Variants in PSD3 observed in about 807,000 individuals in gnomAD.
PSD3 encodes PH and SEC7 domain-containing protein 3.
Under a neutral mutation model 105.5 loss-of-function variants are expected in PSD3, and 49 were observed. The ratio of observed to expected loss-of-function variants is 0.46; its 90% confidence interval spans 0.37 to 0.59. PSD3 has a LOEUF of 0.59. Ranked by LOEUF, PSD3 falls within the 20% of genes least tolerant of loss-of-function variation. PSD3 has a pLI of 0.00. For synonymous variants in PSD3, 557 were observed against 457.8 expected (o/e 1.22, Z -2.77); for missense variants, 1,561 against 1,263.8 (o/e 1.24, Z -3.57).
rs140029072 is a variant in PSD3 at position 18,772,594 on chromosome 8, C to T, written c.2083-7056G>A. Among the ~76,000 whole-genome samples, 83 of 152,250 alleles carry T rather than the reference C, an allele frequency of 5.5e-4. 1 individual carries two copies. The Middle Eastern group carries it at 0.02, about 37-fold the overall frequency. On this transcript the variant is annotated intron_variant, in intron 8 of 15. Transcript: ENST00000327040. The stretch of plus-strand genomic sequence containing the variant: ...CACAATCTCTGGTCACTGTGACCTC[C>T]GCCTCCCAAGTTCAAGTGTTTCTCC...
intron 11 of PSD3, among the ~76,000 whole-genome samples, chr8:18,612,375 A>ATTTTT (rs71217390): frequency 6.7e-6 from 1 of 148,162 alleles, no homozygotes. Flanking sequence ...TTACTGATGC[A>ATTTTT]TTTTTTTTTT....
chr8:18,619,652 A>G (rs941776754), intron 11 of PSD3, among the ~76,000 whole-genome samples: 1 of 152,106 alleles, frequency 6.6e-6, no homozygotes, highest in African/African-American at 2.4e-5. Flanking sequence ...TCAAAAAAAA[A>G]AAAAAGACCT....
intron 9 of PSD3, among the ~76,000 whole-genome samples, chr8:18,753,353 C>G (rs1805760123): frequency 6.9e-6 from 1 of 145,472 alleles, no homozygotes; most frequent in Non-Finnish European, 1.5e-5. Context: ...GACTCCAACT[C>G]CAAAAAAAAA....
chr8:18,828,977 T>C (rs897583264), intron 4 of PSD3, among the ~76,000 whole-genome samples: 1 of 151,924 alleles, frequency 6.6e-6, no homozygotes, highest in African/African-American at 2.4e-5. Flanking sequence ...GAGGCTGAGG[T>C]GGGCGGACGG....
chr8:18,657,483 G>C (rs1441775258), intron 9 of PSD3, among the ~76,000 whole-genome samples: 1 of 152,108 alleles, frequency 6.6e-6, no homozygotes, highest in Non-Finnish European at 1.5e-5. Flanking sequence ...GGACATGATA[G>C]GTATTCTCAA....
chr8:18,799,221 T>G, intron 8 of PSD3, 74 bp downstream of exon 8: 1 of 1,322,514 alleles, frequency 7.6e-7, no homozygotes, highest in Non-Finnish European at 1.1e-6. Context: ...AGGCAGAAAA[T>G]AAATGTGTTT....
chr8:19,033,992 A>G (rs1827860503), intron 1 of PSD3, among the ~76,000 whole-genome samples: 2 of 152,204 alleles, frequency 1.3e-5, no homozygotes, highest in Admixed American at 1.3e-4. Context: ...GGGAAACGTG[A>G]TTATATACAG....
intron 8 of PSD3, among the ~76,000 whole-genome samples, chr8:18,798,136 T>C (rs2129446987): frequency 6.6e-6 from 1 of 152,290 alleles, no homozygotes; most frequent in South Asian, 2.1e-4. Flanking sequence ...AGATTCACAC[T>C]GTGAAATGCC....
chr8:18,820,786 C>T (rs1277461767), intron 4 of PSD3, among the ~76,000 whole-genome samples: 2 of 152,166 alleles, frequency 1.3e-5, no homozygotes, highest in African/African-American at 2.4e-5. Context: ...TCTTTTGAGA[C>T]AGCATCCTGC....
chr8:18,983,703 A>C (rs1328201240), intron 1 of PSD3, among the ~76,000 whole-genome samples: 3 of 152,128 alleles, frequency 2.0e-5, no homozygotes, highest in Non-Finnish European at 4.4e-5. Context: ...TACAAGAGTA[A>C]CATCAAAAAT....
At chr8:18,562,435 C>A (rs1027895804) in intron 14 of PSD3, among the ~76,000 whole-genome samples, 1 of 152,226 alleles carries the variant, frequency 6.6e-6, no homozygotes, top group African/African-American at 2.4e-5. Context: ...GGGCTGTCAA[C>A]AACATAGCTT....
intron 2 of PSD3, among the ~76,000 whole-genome samples, chr8:18,919,267 AGTT>A: frequency 6.6e-6 from 1 of 152,144 alleles, no homozygotes; most frequent in Non-Finnish European, 1.5e-5. Flanking sequence ...GCCAGGAAGG[AGTT>A]TCGTATCTCT....
intron 11 of PSD3, among the ~76,000 whole-genome samples, chr8:18,619,473 A>C (rs1264151852): frequency 6.6e-6 from 1 of 151,950 alleles, no homozygotes; most frequent in African/African-American, 2.4e-5. Context: ...GGTCTGACCC[A>C]CCTCTACTAA....
chr8:18,591,971 C>A (rs1803645200), intron 12 of PSD3, among the ~76,000 whole-genome samples: 1 of 152,124 alleles, frequency 6.6e-6, no homozygotes. Context: ...AGTCTCTATA[C>A]TGGAAGAGGT....
intron 2 of PSD3, among the ~76,000 whole-genome samples, chr8:18,903,979 T>G (rs1819677462): frequency 6.6e-6 from 1 of 150,472 alleles, no homozygotes; most frequent in Non-Finnish European, 1.5e-5. Context: ...GGGAAGTGTA[T>G]GATTCTGTTT....
chr8:19,012,361 C>A (rs1354188587), intron 1 of PSD3, among the ~76,000 whole-genome samples: 2 of 152,188 alleles, frequency 1.3e-5, no homozygotes, highest in Non-Finnish European at 2.9e-5. Context: ...AGAGGAATTT[C>A]ATGACTTTTT....
At chr8:19,041,083 G>T (rs11986215) in intron 1 of PSD3, among the ~76,000 whole-genome samples, 21,205 of 151,924 alleles carry the variant, frequency 0.14, 1,890 homozygotes, top group East Asian at 0.24. Flanking sequence ...TTTTTATAGA[G>T]ACATGGTCTC....
chr8:18,727,956 C>T (rs918298540), intron 9 of PSD3, among the ~76,000 whole-genome samples: 4 of 151,810 alleles, frequency 2.6e-5, no homozygotes, highest in African/African-American at 9.7e-5. Flanking sequence ...ACACATATTC[C>T]ATGAGGGCAG....
intron 9 of PSD3, among the ~76,000 whole-genome samples, chr8:18,703,893 C>T (rs1426085652): frequency 6.6e-6 from 1 of 152,072 alleles, no homozygotes; most frequent in African/African-American, 2.4e-5. Context: ...AACCAAAGTG[C>T]TTTTAACCCT....
Sources: allele counts gnomAD v4.1 joint callset (sites outside exome capture counted in the v4.1 genomes callset), GRCh38; gene constraint gnomAD v4.1.1; transcripts MANE v1.5; gene names NCBI Gene and HGNC (gene_info 2026-07-23, HGNC 2026-07-21).